SEC31B: variants seen among roughly 807,000 people sequenced by gnomAD.
SEC31B encodes protein transport protein Sec31B.
Under a neutral mutation model 135.0 loss-of-function variants are expected in SEC31B, and 113 were observed. The ratio of observed to expected loss-of-function variants is 0.84; its 90% CI spans 0.72 to 0.98. SEC31B has a LOEUF of 0.98. Among genes scored for constraint, SEC31B ranks in the 50% least tolerant of loss-of-function variants. The pLI is 0.00. For missense variants in SEC31B, 1,296 were observed against 1,421.1 expected (o/e 0.91, Z 1.42); for synonymous variants, 508 against 549.4 (o/e 0.92, Z 1.05).
chr10:100,496,127 G>A, intron 18 of SEC31B, 131 bp downstream of exon 18: 1 of 934,694 alleles, frequency 1.1e-6, no homozygotes, highest in Non-Finnish European at 1.6e-6. Context: ...AGATTGTGAG[G>A]TGCTTAAGGG....
intron 16 of SEC31B, 23 bp downstream of exon 16, chr10:100,497,644 C>T (rs893913350): frequency 1.2e-6 from 2 of 1,614,150 alleles, no homozygotes; most frequent in Non-Finnish European, 1.7e-6. Context: ...CCATTTCATC[C>T]TGAAGCCTGG....
At position 100,489,718 on chromosome 10, in the gene SEC31B, GT is replaced by G. The variant is rs748741708; in HGVS notation, c.3008del (p.Asn1003ThrfsTer22). 250 of 1,614,070 alleles carry G rather than the reference GT, an allele frequency of 1.5e-4. 1 individual carries two copies. The highest frequency in any genetic ancestry group is 2.5e-5 in the Non-Finnish European group (29 of 1,180,040). On this transcript the variant is annotated frameshift_variant, in exon 22 of 26. Coordinates refer to ENST00000370345, the MANE Select transcript of SEC31B (RefSeq NM_015490.4). LOFTEE classifies it high-confidence loss of function. ...SWKEAPAPRGNLQRNKLPETF... is the reference protein window; with the variant it reads ...SWKEAPAPRGXLQRNKLPETF... Reference sequence around the variant, plus strand: ...ATGCATTGACCTTGTTCCTCTGGAGGTTTCCCCTGGGGGCTGGGGCTTCTTT... The same window carrying G: ...ATGCATTGACCTTGTTCCTCTGGAGGTTCCCCTGGGGGCTGGGGCTTCTTT...
chr10:100,488,087 C>T lies in SEC31B; in HGVS notation c.3300G>A (p.Arg1100=). Reference sequence around the variant, plus strand: ...GACGCTGGGCTGCCTCTTCCAGCTTCCTTTTTGTCTTCTGCAGGGAAAGAA... The same window carrying T: ...GACGCTGGGCTGCCTCTTCCAGCTTTCTTTTTGTCTTCTGCAGGGAAAGAA... ...SLSATDLKTK[R]KLEEAAQRLE... The change falls in exon 25 of 26, where the codon AGG becomes AGA. Residue 1100 remains arginine (R), a synonymous_variant. Coordinates refer to ENST00000370345, the MANE Select transcript of SEC31B (RefSeq NM_015490.4). 2 of 1,614,012 alleles carry T rather than the reference C, an allele frequency of 1.2e-6. No homozygotes were observed. Among genetic ancestry groups the T allele is most frequent in the African/African-American group, 1.3e-5 (1 of 75,046 alleles).
chr10:100,507,901 TACTC>T lies in SEC31B; in HGVS notation c.639+3_639+6del. The T allele has an allele frequency of 6.2e-7, 1 of 1,614,198 alleles. No individual in the cohort carries two copies. The highest frequency in any genetic ancestry group is 8.5e-7 in the Non-Finnish European group (1 of 1,180,038). ...CCCAAGCCTGTGTTCTGGCCTCCAA[TACTC>T]ACCCTGTTGCTGTGATCACTGACTT... On this transcript the variant is annotated splice_donor_5th_base_variant and intron_variant, in intron 6 of 25. Transcript: ENST00000370345.
At chr10:100,504,420 G>C (rs2133688185) in intron 10 of SEC31B, among the ~76,000 whole-genome samples, 1 of 152,312 alleles carries the variant, frequency 6.6e-6, no homozygotes, top group Middle Eastern at 3.4e-3. Flanking sequence ...CCTCCGACCA[G>C]CTGCAAGGAC....
intron 10 of SEC31B, 29 bp from the exon 11 acceptor site, chr10:100,502,513 G>A (rs1472099555): frequency 1.3e-6 from 2 of 1,496,310 alleles, no homozygotes; most frequent in Non-Finnish European, 1.8e-6. Flanking sequence ...AAGGGTAAAG[G>A]TTATACCTTC....
chr10:100,507,069 C>A (rs1031318890), intron 7 of SEC31B, among the ~76,000 whole-genome samples: 1 of 152,154 alleles, frequency 6.6e-6, no homozygotes, highest in African/African-American at 2.4e-5. Context: ...AGACAGGAGT[C>A]AAGTTGTTTT....
intron 3 of SEC31B, among the ~76,000 whole-genome samples, chr10:100,511,729 T>TA (rs1851741062): frequency 6.6e-6 from 1 of 152,250 alleles, no homozygotes; most frequent in African/African-American, 2.4e-5. Flanking sequence ...AGCTTCATGT[T>TA]AGTGAACTAA....
chr10:100,503,474 C>T (rs1317045435), intron 10 of SEC31B, among the ~76,000 whole-genome samples: 1 of 150,002 alleles, frequency 6.7e-6, no homozygotes, highest in Admixed American at 6.7e-5. Flanking sequence ...GTTCTTGTTG[C>T]CCAGGCTGGA....
Position 100,516,872 on chromosome 10 carries a change from A to C in SEC31B, c.79+2T>G. 6.2e-7 allele frequency: 1 copy of C among 1,612,002 alleles called. No homozygotes were observed. The highest frequency in any genetic ancestry group is 1.3e-5 in the African/African-American group (1 of 74,942). ...GGATCCTAATTCACAGTGTCACCAT[A>C]CCTGTGGCCAGATACAAAGGGTATT... is the stretch of plus-strand genomic sequence containing the variant. On this transcript the variant is annotated splice_donor_variant, in intron 2 of 25. Transcript: ENST00000370345. LOFTEE classifies it high-confidence loss of function.
At chr10:100,496,988 CCAGA>C (rs1396486865) in intron 17 of SEC31B, 143 bp downstream of exon 17, 2 of 790,142 alleles carry the variant, frequency 2.5e-6, no homozygotes, top group East Asian at 2.7e-5. Context: ...GGAGAAGATC[CCAGA>C]CATTCAGGAC....
At chr10:100,518,306 C>T (rs1207132844) in intron 1 of SEC31B, among the ~76,000 whole-genome samples, 2 of 152,200 alleles carry the variant, frequency 1.3e-5, no homozygotes, top group Non-Finnish European at 2.9e-5. Context: ...ATGCTGTTCC[C>T]TATACTTTGA....
chr10:100,489,523 G>A, intron 22 of SEC31B, 125 bp from the exon 23 acceptor site: 3 of 1,361,614 alleles, frequency 2.2e-6, no homozygotes, highest in South Asian at 1.3e-5. Flanking sequence ...TGGGAAGTGA[G>A]GAGACTGGTG....
intron 3 of SEC31B, among the ~76,000 whole-genome samples, chr10:100,514,102 T>C (rs903613161): frequency 1.3e-5 from 2 of 152,018 alleles, no homozygotes; most frequent in African/African-American, 4.8e-5. Context: ...GGAGAACTGC[T>C]TGAATGCAGG....
chr10:100,515,019 C>T (rs1471641626), intron 3 of SEC31B, among the ~76,000 whole-genome samples: 1 of 151,016 alleles, frequency 6.6e-6, no homozygotes, highest in Non-Finnish European at 1.5e-5. Flanking sequence ...CCAGCTGGCT[C>T]AGTGGCTCAC....
At chr10:100,508,911 A>G in intron 5 of SEC31B, 96 bp downstream of exon 5, 1 of 929,906 alleles carries the variant, frequency 1.1e-6, no homozygotes, top group East Asian at 2.5e-5. Flanking sequence ...GTAAAGTTTG[A>G]TATCTCTTGA....
intron 6 of SEC31B, 86 bp downstream of exon 6, chr10:100,507,822 C>A: frequency 6.4e-7 from 1 of 1,573,142 alleles, no homozygotes; most frequent in Non-Finnish European, 8.7e-7. Context: ...GAAAGCAGGA[C>A]TCTGGCCTGG....
At chr10:100,507,596 C>T in intron 6 of SEC31B, 29 bp from the exon 7 acceptor site, 1 of 1,612,644 alleles carries the variant, frequency 6.2e-7, no homozygotes, top group East Asian at 2.2e-5. Context: ...CCAATGGGTG[C>T]TGTAACCTGA....
chr10:100,497,880 C>G (rs1851442723), intron 15 of SEC31B, 87 bp from the exon 16 acceptor site: 1 of 1,606,830 alleles, frequency 6.2e-7, no homozygotes, highest in Non-Finnish European at 8.5e-7. Context: ...TGTTAGAGCA[C>G]TGAGTAGGGG....
Sources: allele counts gnomAD v4.1 joint callset (sites outside exome capture counted in the v4.1 genomes callset), GRCh38; gene constraint gnomAD v4.1.1; transcripts MANE v1.5; gene names NCBI Gene and HGNC (gene_info 2026-07-23, HGNC 2026-07-21).